The following TRPC3 variants were observed in gnomAD, a reference collection of about 807,000 sequenced individuals.
TRPC3 encodes the protein short transient receptor potential channel 3.
A neutral mutation model predicts 90.9 loss-of-function variants in TRPC3; 54 were observed. The ratio of observed to expected loss-of-function variants is 0.59; its 90% CI spans 0.48 to 0.75. The LOEUF is 0.75. Ranked by LOEUF, TRPC3 falls within the 30% of genes least tolerant of loss-of-function variation. The pLI, the probability that TRPC3 is intolerant of heterozygous loss-of-function variation, is 0.00. For synonymous variants in TRPC3, 424 were observed against 450.9 expected, an observed-to-expected ratio of 0.94 and a Z score of 0.75; for missense variants, 918 against 1,194.5, an observed-to-expected ratio of 0.77 and a Z score of 3.41.
chr4:121,940,540 T>A (rs116348897), intron 1 of TRPC3, among the ~76,000 whole-genome samples: 5,898 of 152,260 alleles, frequency 0.039, 393 homozygotes, highest in African/African-American at 0.13. Flanking sequence ...GAACACACTG[T>A]TATTTCTGCT....
Position 121,876,251 on chromosome 4 carries a change from T to G in TRPC3, c.*3485A>C, listed in dbSNP as rs1429545685. The stretch of plus-strand genomic sequence containing the variant: ...TCGCTTGAGGCCAAAAGTTAAAGAC[T>G]AGCCTGGACAACATAGTGAGACCCG... On this transcript the variant is annotated 3_prime_UTR_variant, in exon 12 of 12. Coordinates refer to ENST00000379645, the MANE Select transcript of TRPC3 (RefSeq NM_001130698.2). Among the ~76,000 whole-genome samples, 2 of 151,942 alleles carry G rather than the reference T, an allele frequency of 1.3e-5. No homozygotes were observed. The highest frequency in any genetic ancestry group is 2.9e-5 in the Non-Finnish European group (2 of 67,968).
chr4:121,929,260 T>C (rs1455183940), intron 2 of TRPC3, among the ~76,000 whole-genome samples: 1 of 152,216 alleles, frequency 6.6e-6, no homozygotes, highest in Non-Finnish European at 1.5e-5. Flanking sequence ...TGCTATAAAA[T>C]GTCACCTTGC....
At chr4:121,883,723 T>C (rs1413819257) in intron 10 of TRPC3, among the ~76,000 whole-genome samples, 1 of 152,180 alleles carries the variant, frequency 6.6e-6, no homozygotes, top group African/African-American at 2.4e-5. Flanking sequence ...ATCTTTTTAG[T>C]TTTTAAATTG....
In TRPC3 at chr4:121,951,808, C is replaced by A. The variant is rs1730780532; in HGVS notation, c.-128G>T. The stretch of plus-strand genomic sequence containing the variant: ...TTCCGGGGCCCCGGGCGGCCCAGGG[C>A]GGGAAGGCAGGAGCGGAGAGCGTCG... On this transcript the variant is annotated 5_prime_UTR_variant, in exon 1 of 12. Coordinates refer to ENST00000379645, the MANE Select transcript of TRPC3 (RefSeq NM_001130698.2). The surrounding 1 kb of genome is among the most constrained non-coding windows in gnomAD (Gnocchi z 4.4). 1 of 707,076 alleles carries A rather than the reference C, an allele frequency of 1.4e-6. No homozygotes were observed. The highest frequency in any genetic ancestry group is 5.2e-5 in the South Asian group (1 of 19,382). 43.8% of individuals were successfully genotyped at this position (707,076 alleles called of 1,614,324 possible). A position where few individuals can be genotyped will look rare whatever the true frequency, so the allele number is the denominator to read the frequency against.
At chr4:121,921,909 GTTT>G (rs1201010547) in intron 3 of TRPC3, among the ~76,000 whole-genome samples, 1,566 of 119,668 alleles carry the variant, frequency 0.013, 37 homozygotes, top group African/African-American at 0.042. Flanking sequence ...TGTTTTTTGG[GTTT>G]TTTTTTGTTT....
chr4:121,886,393 C>G (rs1255336171), intron 10 of TRPC3, among the ~76,000 whole-genome samples: 1 of 152,000 alleles, frequency 6.6e-6, no homozygotes, highest in Non-Finnish European at 1.5e-5. Context: ...CTCAGAAGTA[C>G]AGAGTAAAAT....
chr4:121,876,807 T>A lies in TRPC3; in HGVS notation c.*2929A>T, dbSNP rs1727773966. On this transcript the variant is annotated 3_prime_UTR_variant, in exon 12 of 12. Transcript: ENST00000379645. ...TCTGTAAATTCAATACAGCAGGCAC[T>A]TACAAAGTACCCAACTTTTCGAACA... Among the ~76,000 whole-genome samples the A allele has an allele frequency of 6.6e-6, 1 of 152,174 alleles. No homozygotes were observed. The highest frequency in any genetic ancestry group is 1.5e-5 in the Non-Finnish European group (1 of 68,034).
intron 1 of TRPC3, among the ~76,000 whole-genome samples, chr4:121,942,082 A>G (rs1307439727): frequency 3.9e-5 from 6 of 152,160 alleles, no homozygotes; most frequent in African/African-American, 2.4e-5. Context: ...GAAAGAGGAA[A>G]GCGCAGATTT....
chr4:121,890,092 C>T (rs1008848949), intron 10 of TRPC3, among the ~76,000 whole-genome samples: 4 of 152,156 alleles, frequency 2.6e-5, no homozygotes, highest in East Asian at 1.9e-4. Flanking sequence ...TGATCTCACT[C>T]ATATGTGACA....
rs1403513764 is a variant in TRPC3, at chr4:121,951,592, C to CCCTGGT, written c.88_89insACCAGG (p.Glu29_Gly30insAspGln). 1.4e-6 allele frequency: 2 copies of CCCTGGT among 1,451,566 alleles called. No individual in the cohort carries two copies. Among genetic ancestry groups the CCCTGGT allele is most frequent in the African/African-American group, 3.0e-5 (2 of 67,408 alleles). 89.9% of individuals were successfully genotyped at this position (1,451,566 alleles called of 1,614,324 possible). ...CCGGCGGCGGCGCTGCGGCTCCGCGCCCTCGTCCTCGCCCTCGTCTTCCTC... is the reference window on the plus strand; with the variant it reads ...CCGGCGGCGGCGCTGCGGCTCCGCGCCCTGGTCCTCGTCCTCGCCCTCGTCTTCCTC... On this transcript the variant is annotated inframe_insertion, in exon 1 of 12. Coordinates refer to ENST00000379645, the MANE Select transcript of TRPC3 (RefSeq NM_001130698.2). This position sits in a 1 kb window ranked among gnomAD's most constrained non-coding sequence, Gnocchi z 4.4.
At chr4:121,886,022 T>C (rs553987240) in intron 10 of TRPC3, among the ~76,000 whole-genome samples, 10 of 152,162 alleles carry the variant, frequency 6.6e-5, no homozygotes, top group Non-Finnish European at 1.5e-4. Flanking sequence ...CAGGTAAAGA[T>C]TCCAGGCGGT....
chr4:121,879,942 G>A (rs2149101984), intron 11 of TRPC3, 64 bp from the exon 12 acceptor site: 1 of 1,430,670 alleles, frequency 7.0e-7, no homozygotes, highest in Non-Finnish European at 9.3e-7. Flanking sequence ...TGAACAAAGA[G>A]TGAAATTCTT....
chr4:121,880,079 C>T (rs1727889857), intron 11 of TRPC3, among the ~76,000 whole-genome samples: 1 of 152,044 alleles, frequency 6.6e-6, no homozygotes, highest in Admixed American at 6.6e-5. Flanking sequence ...TAAAAATAGT[C>T]CAGCTATATT....
chr4:121,946,583 A>AG (rs1430684506), intron 1 of TRPC3, among the ~76,000 whole-genome samples: 1 of 152,208 alleles, frequency 6.6e-6, no homozygotes, highest in Non-Finnish European at 1.5e-5. Flanking sequence ...TGTGGAAGAT[A>AG]GGGGGAGAAT....
intron 4 of TRPC3, among the ~76,000 whole-genome samples, chr4:121,914,158 C>A (rs1261058169): frequency 6.6e-6 from 1 of 152,132 alleles, no homozygotes; most frequent in African/African-American, 2.4e-5. Flanking sequence ...AAGGTACTAA[C>A]CAAAATGATC....
rs1467425222 is a variant in TRPC3, at chr4:121,932,006, T to TA, written c.987+264dup. Among the ~76,000 whole-genome samples the TA allele has an allele frequency of 2.0e-5, 3 of 152,188 alleles. No homozygotes were observed. The highest frequency in any genetic ancestry group is 7.2e-5 in the African/African-American group (3 of 41,440). On this transcript the variant is annotated intron_variant, in intron 2 of 11. Coordinates refer to ENST00000379645, the MANE Select transcript of TRPC3 (RefSeq NM_001130698.2). The surrounding 1 kb of genome is among the most constrained non-coding windows in gnomAD (Gnocchi z 7.7). ...AAGGGGAGAAATCTTGAGTTTTATT[T>TA]AATGCTTACCCAACACAGAGCGGCA...
chr4:121,933,049 A>T lies in TRPC3; in HGVS notation c.216-7T>A. The T allele has an allele frequency of 6.5e-7, 1 of 1,545,344 alleles. No homozygotes were observed. The highest frequency in any genetic ancestry group is 1.2e-5 in the South Asian group (1 of 80,860). Reference sequence around the variant, plus strand: ...TGGGCTTCCCTCCATGGACCTAATCAGTAGCAACGATAAAACAACTGTAGA... The same window carrying T: ...TGGGCTTCCCTCCATGGACCTAATCTGTAGCAACGATAAAACAACTGTAGA... On this transcript the variant is annotated splice_region_variant and splice_polypyrimidine_tract_variant and intron_variant, in intron 1 of 11. Coordinates refer to ENST00000379645, the MANE Select transcript of TRPC3 (RefSeq NM_001130698.2).
chr4:121,893,448 C>A (rs1728402709), intron 10 of TRPC3, among the ~76,000 whole-genome samples: 1 of 151,972 alleles, frequency 6.6e-6, no homozygotes, highest in African/African-American at 2.4e-5. Flanking sequence ...GTATAATAAT[C>A]TGGAAAGACA....
intron 4 of TRPC3, among the ~76,000 whole-genome samples, chr4:121,912,611 C>G (rs545350341): frequency 1.3e-4 from 20 of 152,134 alleles, no homozygotes; most frequent in African/African-American, 4.6e-4. Context: ...TCAAGTTATA[C>G]CTGGTATGCT....
Sources: gnomAD v4.1 joint callset for allele counts (sites outside exome capture counted in the v4.1 genomes callset) on GRCh38, gnomAD v4.1.1 for gene constraint, Gnocchi (gnomAD v3.1) non-coding constraint, MANE v1.5 for transcripts, NCBI Gene and HGNC (gene_info 2026-07-23, HGNC 2026-07-21) for gene names.